COL4A3: variants seen among roughly 807,000 people sequenced by gnomAD.
The protein encoded by COL4A3 is collagen type IV alpha 3 chain, also known as collagen alpha-3(IV) chain.
A neutral mutation model predicts 217.4 loss-of-function variants in COL4A3; 135 were observed. The observed-to-expected ratio is 0.62, with a 90% CI of 0.54 to 0.72. The LOEUF (loss-of-function observed/expected upper bound fraction) is 0.72. Ranked by LOEUF, COL4A3 falls within the 30% of genes least tolerant of loss-of-function variation. The pLI, the probability that COL4A3 is intolerant of heterozygous loss-of-function variation, is 0.00. For missense variants in COL4A3, 1,868 were observed against 2,119.9 expected (o/e 0.88, Z 2.33); for synonymous variants, 690 against 736.3 (o/e 0.94, Z 1.02).
At chr2:227,202,540 C>A (rs562486282) in intron 1 of COL4A3, among the ~76,000 whole-genome samples, 3 of 150,420 alleles carry the variant, frequency 2.0e-5, no homozygotes, top group Non-Finnish European at 4.4e-5. Flanking sequence ...GTCAGGAGAT[C>A]GAGACCATCT....
At position 227,164,748 on chromosome 2, in the gene COL4A3, A is replaced by C. The variant is rs1051432500; in HGVS notation, c.22A>C (p.Arg8=). The change falls in exon 1 of 52, where the codon AGG becomes CGG. Residue 8 remains arginine (R), a synonymous_variant. Coordinates refer to ENST00000396578, the MANE Select transcript of COL4A3 (RefSeq NM_000091.5). This position sits in a 1 kb window ranked among gnomAD's most constrained non-coding sequence, Gnocchi z 4.8. ...CACCATGAGCGCCCGGACCGCCCCCAGGCCGCAGGTGCTCCTGCTGCCGCT... is the reference window on the plus strand; with the variant it reads ...CACCATGAGCGCCCGGACCGCCCCCCGGCCGCAGGTGCTCCTGCTGCCGCT... MSARTAP[R]PQVLLLPLLL... is the part of the protein sequence containing the mutation. 8 of 1,526,876 alleles carry C rather than the reference A, an allele frequency of 5.2e-6. No homozygotes were observed. The highest frequency in any genetic ancestry group is 2.0e-5 in the Admixed American group (1 of 50,714). The allele number at this position is 1,526,876 out of a possible 1,614,324, so 94.6% of individuals were successfully genotyped here.
chr2:227,274,680 G>A (rs2071453665), intron 26 of COL4A3, among the ~76,000 whole-genome samples: 1 of 151,994 alleles, frequency 6.6e-6, no homozygotes, highest in African/African-American at 2.4e-5. Flanking sequence ...TATATTTTTA[G>A]TAGAGATGGG....
intron 1 of COL4A3, among the ~76,000 whole-genome samples, chr2:227,231,192 A>G (rs1462028503): frequency 2.6e-5 from 4 of 152,268 alleles, no homozygotes; most frequent in Non-Finnish European, 5.9e-5. Context: ...TGAGATATGT[A>G]CAGTCAACAA....
At chr2:227,223,859 A>C (rs1378055282) in intron 1 of COL4A3, among the ~76,000 whole-genome samples, 1 of 152,216 alleles carries the variant, frequency 6.6e-6, no homozygotes, top group East Asian at 1.9e-4. Context: ...TTAATTAGAT[A>C]GTGTCTATTG....
intron 36 of COL4A3, 36 bp from the exon 37 acceptor site, chr2:227,290,711 T>C (rs1460958592): frequency 1.2e-6 from 2 of 1,606,424 alleles, no homozygotes; most frequent in African/African-American, 2.7e-5. Context: ...TCCTCATGTT[T>C]ATCTATTTTA....
Position 227,251,065 on chromosome 2 carries a change from G to A in COL4A3, c.547-75G>A, listed in dbSNP as rs2069711961. ...TCTGATTTTATTAAAATATTTTAATGCATTTAATTAATGGACATTGTTATT... is the reference window on the plus strand; with the variant it reads ...TCTGATTTTATTAAAATATTTTAATACATTTAATTAATGGACATTGTTATT... On this transcript the variant is annotated intron_variant, in intron 9 of 51. Coordinates refer to ENST00000396578, the MANE Select transcript of COL4A3 (RefSeq NM_000091.5). 7 of 1,051,196 alleles carry A rather than the reference G, an allele frequency of 6.7e-6. No homozygotes were observed. In the Middle Eastern group the frequency reaches 9.4e-4, roughly 142 times the overall value. The allele number at this position is 1,051,196 out of a possible 1,614,324, so 65.1% of individuals were successfully genotyped here. A position where few individuals can be genotyped will look rare whatever the true frequency, so the allele number is the denominator to read the frequency against.
intron 9 of COL4A3, among the ~76,000 whole-genome samples, chr2:227,248,875 G>T (rs1161219098): frequency 1.3e-5 from 2 of 151,912 alleles, no homozygotes; most frequent in Non-Finnish European, 2.9e-5. Flanking sequence ...CACACATTGA[G>T]TATCATTTAA....
At chr2:227,270,002 T>A in intron 24 of COL4A3, 22 bp downstream of exon 24, 1 of 1,601,652 alleles carries the variant, frequency 6.2e-7, no homozygotes, top group Non-Finnish European at 8.5e-7. Context: ...TGTTTTTAAA[T>A]CTTTAGCTTC....
intron 1 of COL4A3, among the ~76,000 whole-genome samples, chr2:227,193,763 A>G (rs28650285): frequency 0.44 from 8,745 of 19,954 alleles, 1,771 homozygotes; most frequent in South Asian, 0.6. Context: ...GAAGGAAGGA[A>G]GGAAGGAAGG....
intron 1 of COL4A3, among the ~76,000 whole-genome samples, chr2:227,205,572 T>G (rs539262378): frequency 1.3e-3 from 194 of 150,726 alleles, no homozygotes; most frequent in African/African-American, 4.5e-3. Flanking sequence ...ATAATATTTA[T>G]AGCTAAAATT....
chr2:227,305,551 C>T (rs937376496), intron 47 of COL4A3: 3 of 159,386 alleles, frequency 1.9e-5, no homozygotes, highest in Admixed American at 1.8e-4. Flanking sequence ...TGCCTGTAAT[C>T]GCAGCTACTT....
intron 1 of COL4A3, among the ~76,000 whole-genome samples, chr2:227,213,779 G>A (rs987635207): frequency 2.0e-5 from 3 of 151,446 alleles, no homozygotes; most frequent in South Asian, 2.1e-4. Flanking sequence ...ACAAGTGCCC[G>A]TAAACCCAGC....
chr2:227,260,779 G>A (rs1422926487), intron 19 of COL4A3, among the ~76,000 whole-genome samples: 2 of 152,152 alleles, frequency 1.3e-5, no homozygotes, highest in Non-Finnish European at 2.9e-5. Flanking sequence ...AGCACTGTTT[G>A]ATTTTCTGGT....
chr2:227,175,127 G>A (rs898027323), intron 1 of COL4A3, among the ~76,000 whole-genome samples: 2 of 152,268 alleles, frequency 1.3e-5, no homozygotes, highest in Middle Eastern at 3.4e-3. Context: ...GGGCCTCTCA[G>A]AAGTGGAGAG....
At chr2:227,205,860 G>A (rs1259493057) in intron 1 of COL4A3, among the ~76,000 whole-genome samples, 1 of 151,832 alleles carries the variant, frequency 6.6e-6, no homozygotes, top group African/African-American at 2.4e-5. Context: ...AAAGCAGCAT[G>A]ATGCCAAATG....
chr2:227,291,027 T>C, intron 37 of COL4A3, 141 bp downstream of exon 37: 1 of 997,072 alleles, frequency 1.0e-6, no homozygotes, highest in Non-Finnish European at 1.5e-6. Context: ...ATTTTTAAAA[T>C]CCTATCTCCA....
At chr2:227,273,206 A>G in intron 26 of COL4A3, 89 bp downstream of exon 26, 1 of 1,373,530 alleles carries the variant, frequency 7.3e-7, no homozygotes, top group Non-Finnish European at 1.0e-6. Context: ...ACTAAGGAAA[A>G]TATAGAAACT....
chr2:227,178,865 A>G (rs1404609958), intron 1 of COL4A3, among the ~76,000 whole-genome samples: 2 of 151,710 alleles, frequency 1.3e-5, no homozygotes, highest in Admixed American at 1.3e-4. Context: ...AATGATGTTC[A>G]TCAAATTAGT....
At position 227,312,960 on chromosome 2, in the gene COL4A3, A is replaced by C. The variant is rs2073796521; in HGVS notation, c.*1090A>C. The C allele has an allele frequency of 6.6e-6, 1 of 151,176 alleles. No homozygotes were observed. Among genetic ancestry groups the C allele is most frequent in the Admixed American group, 6.6e-5 (1 of 15,142 alleles). 9.4% of individuals were successfully genotyped at this position (151,176 alleles called of 1,614,324 possible). On this transcript the variant is annotated 3_prime_UTR_variant, in exon 52 of 52. Coordinates refer to ENST00000396578, the MANE Select transcript of COL4A3 (RefSeq NM_000091.5). ...AAAAAAGCAACACTTTTTATGTTATATGTTGTTCTTACAAACCATACTGAA... is the reference window on the plus strand; with the variant it reads ...AAAAAAGCAACACTTTTTATGTTATCTGTTGTTCTTACAAACCATACTGAA...
Sources: allele counts gnomAD v4.1 joint callset (sites outside exome capture counted in the v4.1 genomes callset), GRCh38; gene constraint gnomAD v4.1.1; non-coding constraint Gnocchi (gnomAD v3.1); transcripts MANE v1.5; gene names NCBI Gene and HGNC (gene_info 2026-07-23, HGNC 2026-07-21).